RNGTT: variants seen among roughly 807,000 people sequenced by gnomAD.
RNGTT encodes the protein RNA guanylyltransferase and 5'-phosphatase.
RNGTT carries 33 observed loss-of-function variants against 79.3 expected under a neutral mutation model. The observed-to-expected ratio is 0.42, with a 90% CI of 0.32 to 0.56. RNGTT has a LOEUF of 0.56. RNGTT is among the 20% of genes least tolerant of loss of function. The pLI is 0.17. For synonymous variants in RNGTT, 222 were observed against 235.9 expected, an observed-to-expected ratio of 0.94 and a Z score of 0.54; for missense variants, 497 against 739.1, an observed-to-expected ratio of 0.67 and a Z score of 3.80.
chr6:88,805,972 T>C lies in RNGTT; in HGVS notation c.1270-4340A>G, dbSNP rs574999973. On this transcript the variant is annotated intron_variant, in intron 11 of 15. Coordinates refer to ENST00000369485, the MANE Select transcript of RNGTT (RefSeq NM_003800.5). ...TTGGAGCACTGAAGATGTAATTATA[T>C]AGCAACACATAGAACAGGCTGATTC... Among the ~76,000 whole-genome samples, 6 of 152,264 alleles carry C rather than the reference T, an allele frequency of 3.9e-5. No individual in the cohort carries two copies. The South Asian group carries it at 8.3e-4, about 21-fold the overall frequency.
At chr6:88,810,918 A>C (rs1480641853) in intron 11 of RNGTT, among the ~76,000 whole-genome samples, 1 of 152,240 alleles carries the variant, frequency 6.6e-6, no homozygotes, top group Non-Finnish European at 1.5e-5. Context: ...TGCTAATGGG[A>C]TATGAGGACC....
chr6:88,949,174 AAAAAG>A (rs1311713318), intron 1 of RNGTT, among the ~76,000 whole-genome samples: 4 of 140,940 alleles, frequency 2.8e-5, no homozygotes, highest in African/African-American at 1.1e-4. Flanking sequence ...AAAAAAAAAA[AAAAAG>A]AAAATGAAAA....
At position 88,612,748 on chromosome 6, in the gene RNGTT, G is replaced by A. The variant is rs765566569; in HGVS notation, c.1765C>T (p.Pro589Ser). 5 of 1,612,844 alleles carry A rather than the reference G, an allele frequency of 3.1e-6. No homozygotes were observed. In the South Asian group the frequency reaches 4.4e-5, roughly 14 times the overall value. The change falls in exon 16 of 16, where the codon CCT (proline) becomes TCT (serine). Residue 589 changes from proline (P) to serine (S), a missense_variant. By Grantham distance (74) the Pro-to-Ser change is moderately conservative. Around this residue, in one of 3 missense-constraint regions of RNGTT, gnomAD observed 53 missense variants for 50.5 expected, o/e 1.05. Transcript: ENST00000369485. ...DPDTELMPPP[P>S]PKRPRPLT ...GTTAAAGGGCGTGGTCTTTTGGGAG[G>A]TGGTGGTGGCATGAGCTCCGTGTCA...
At position 88,612,544 on chromosome 6, in the gene RNGTT, C is replaced by T. The variant is rs111669006; in HGVS notation, c.*175G>A. 1.7e-5 allele frequency: 11 copies of T among 642,614 alleles called. No individual in the cohort carries two copies. Among genetic ancestry groups the T allele is most frequent in the East Asian group, 8.1e-5 (3 of 37,028 alleles). The allele number at this position is 642,614 out of a possible 1,614,324, so 39.8% of individuals were successfully genotyped here. A position where few individuals can be genotyped will look rare whatever the true frequency, so the allele number is the denominator to read the frequency against. ...ACGATGTATTGCAGCACTGAGGAAA[C>T]GAATGCATCAAGTATTTACAGGCTG... On this transcript the variant is annotated 3_prime_UTR_variant, in exon 16 of 16. Transcript: ENST00000369485.
In RNGTT at chr6:88,941,137, A is replaced by G. The variant is rs768669158; in HGVS notation, c.108T>C (p.Asp36=). ...PLKTMLGPRY[D]SQVAEENRFH... ...ACCGATTTTCTTCAGCAACTTGACTATCATATCTTGGTCCTAACATTGTCT... is the reference window on the plus strand; with the variant it reads ...ACCGATTTTCTTCAGCAACTTGACTGTCATATCTTGGTCCTAACATTGTCT... The change falls in exon 2 of 16, where the codon GAT becomes GAC. Residue 36 remains aspartate, a synonymous_variant. Coordinates refer to ENST00000369485, the MANE Select transcript of RNGTT (RefSeq NM_003800.5). 5 of 1,613,418 alleles carry G rather than the reference A, an allele frequency of 3.1e-6. No homozygotes were observed. Among genetic ancestry groups the G allele is most frequent in the African/African-American group, 1.3e-5 (1 of 74,900 alleles).
chr6:88,773,120 C>T (rs1778748585), intron 12 of RNGTT, among the ~76,000 whole-genome samples: 1 of 148,628 alleles, frequency 6.7e-6, no homozygotes, highest in South Asian at 2.2e-4. Flanking sequence ...CACATATACA[C>T]CATGGAATAC....
intron 1 of RNGTT, among the ~76,000 whole-genome samples, chr6:88,951,386 C>G (rs983413796): frequency 1.3e-5 from 2 of 152,120 alleles, no homozygotes; most frequent in African/African-American, 4.8e-5. Context: ...GGAGAATTGA[C>G]TCCACCCCTG....
At chr6:88,946,350 G>T (rs1463908508) in intron 1 of RNGTT, among the ~76,000 whole-genome samples, 1 of 152,158 alleles carries the variant, frequency 6.6e-6, no homozygotes, top group East Asian at 1.9e-4. Context: ...TGTTCTCACT[G>T]CTCCACTGAG....
intron 14 of RNGTT, among the ~76,000 whole-genome samples, chr6:88,655,506 G>C (rs187610871): frequency 5.3e-5 from 8 of 152,212 alleles, no homozygotes; most frequent in African/African-American, 1.4e-4. Flanking sequence ...AGAAAGCTTA[G>C]AGTATCTGAC....
intron 11 of RNGTT, among the ~76,000 whole-genome samples, chr6:88,814,095 A>G (rs1220359090): frequency 2.0e-5 from 3 of 152,178 alleles, no homozygotes; most frequent in African/African-American, 4.8e-5. Flanking sequence ...GGTTTTATAA[A>G]ATGAAAACAT....
chr6:88,741,428 G>A (rs1241748867), intron 13 of RNGTT, among the ~76,000 whole-genome samples: 1 of 152,020 alleles, frequency 6.6e-6, no homozygotes, highest in African/African-American at 2.4e-5. Flanking sequence ...TAGACAATGG[G>A]GGACTCAAGG....
intron 4 of RNGTT, among the ~76,000 whole-genome samples, 193 bp from the exon 5 acceptor site, chr6:88,906,633 T>C (rs369717774): frequency 1.3e-5 from 2 of 152,206 alleles, no homozygotes; most frequent in African/African-American, 4.8e-5. Context: ...AATTTATAAC[T>C]AGCTAGAAGT....
rs1301450553 is a variant in RNGTT at position 88,779,962 on chromosome 6, C to A, written c.1339-10088G>T. ...TGAGTCAAGATCACACCACTGCACG[C>A]CAGCCTGGGCAATAGGGTGAGACTC... On this transcript the variant is annotated intron_variant, in intron 12 of 15. Coordinates refer to ENST00000369485, the MANE Select transcript of RNGTT (RefSeq NM_003800.5). Among the ~76,000 whole-genome samples the A allele has an allele frequency of 3.3e-5, 5 of 152,130 alleles. No homozygotes were observed. In the East Asian group the frequency reaches 7.7e-4, roughly 23 times the overall value.
chr6:88,679,952 T>C (rs1258239709), intron 13 of RNGTT, among the ~76,000 whole-genome samples: 3 of 152,024 alleles, frequency 2.0e-5, no homozygotes, highest in Non-Finnish European at 4.4e-5. Flanking sequence ...CTTCTCAGAG[T>C]CTCAACATTA....
chr6:88,771,315 G>GTGTGTATATATATATATATATA (rs1303688973), intron 12 of RNGTT, among the ~76,000 whole-genome samples: 1 of 62,070 alleles, frequency 1.6e-5, no homozygotes, highest in African/African-American at 6.6e-5. Context: ...GTGTGTGTGT[G>GTGTGTATATATATATATATATA]TATATATATA....
At chr6:88,697,615 A>G (rs966374272) in intron 13 of RNGTT, among the ~76,000 whole-genome samples, 3 of 151,870 alleles carry the variant, frequency 2.0e-5, no homozygotes, top group African/African-American at 7.3e-5. Context: ...CTGTAATCCC[A>G]GCACTTTGGA....
intron 13 of RNGTT, among the ~76,000 whole-genome samples, chr6:88,763,310 CT>C (rs1429455150): frequency 6.6e-6 from 1 of 151,716 alleles, no homozygotes; most frequent in African/African-American, 2.4e-5. Context: ...TGTTTCCACC[CT>C]TTGGCTATTA....
At chr6:88,953,528 T>C (rs1249342593) in intron 1 of RNGTT, among the ~76,000 whole-genome samples, 1 of 152,126 alleles carries the variant, frequency 6.6e-6, no homozygotes, top group East Asian at 1.9e-4. Context: ...AAGAGAAACA[T>C]AAAAGTTTGA....
At chr6:88,675,463 G>A (rs904917174) in intron 14 of RNGTT, among the ~76,000 whole-genome samples, 29 of 152,234 alleles carry the variant, frequency 1.9e-4, no homozygotes, top group Admixed American at 1.2e-3. Flanking sequence ...AGGCCAAGGC[G>A]GGAGGATTGC....
Sources: gnomAD v4.1 joint callset for allele counts (sites outside exome capture counted in the v4.1 genomes callset) on GRCh38, gnomAD v4.1.1 for gene constraint, gnomAD v4.1.1 regional missense constraint, MANE v1.5 for transcripts, NCBI Gene and HGNC (gene_info 2026-07-23, HGNC 2026-07-21) for gene names.